SLC25A33: variants seen among roughly 807,000 people sequenced by gnomAD.
The protein encoded by SLC25A33 is solute carrier family 25 member 33.
A neutral mutation model predicts 35.5 loss-of-function variants in SLC25A33; 15 were observed. The observed-to-expected ratio is 0.42, with a 90% CI of 0.28 to 0.65. The LOEUF is 0.65. Ranked by LOEUF, SLC25A33 falls within the 30% of genes least tolerant of loss-of-function variation. The pLI, the probability that SLC25A33 is intolerant of heterozygous loss-of-function variation, is 0.20. For missense variants in SLC25A33, 257 were observed against 398.5 expected, an observed-to-expected ratio of 0.64 and a Z score of 3.02; for synonymous variants, 136 against 148.7, an observed-to-expected ratio of 0.91 and a Z score of 0.62.
At chr1:9,573,249 GA>G in intron 4 of SLC25A33, 96 bp from the exon 5 acceptor site, 2 of 830,726 alleles carry the variant, frequency 2.4e-6, no homozygotes, top group Non-Finnish European at 3.7e-6. Context: ...TTAGGCCATT[GA>G]AATCCCTATT....
At position 9,573,355 on chromosome 1, in the gene SLC25A33, C is replaced by CA; in HGVS notation, c.428dup (p.Asn143LysfsTer11). ...TTTTTTTTTTTTCCAGCTTTTATCA[C>CA]AAATTCCTTAATGAATCCTATATGG... is the stretch of plus-strand genomic sequence containing the variant. On this transcript the variant is annotated frameshift_variant, in exon 5 of 7. Transcript: ENST00000302692. LOFTEE classifies it high-confidence loss of function. 1 of 1,599,868 alleles carries CA rather than the reference C, an allele frequency of 6.3e-7. No homozygotes were observed. Among genetic ancestry groups the CA allele is most frequent in the Non-Finnish European group, 8.5e-7 (1 of 1,171,960 alleles).
At chr1:9,557,141 C>T (rs1643356093) in intron 2 of SLC25A33, among the ~76,000 whole-genome samples, 1 of 152,204 alleles carries the variant, frequency 6.6e-6, no homozygotes, top group Non-Finnish European at 1.5e-5. Context: ...CCATGTTGGT[C>T]AGGCGGGTCT....
At chr1:9,567,961 A>G (rs1423131650) in intron 3 of SLC25A33, among the ~76,000 whole-genome samples, 1 of 152,238 alleles carries the variant, frequency 6.6e-6, no homozygotes. Flanking sequence ...TCAGTTGCTC[A>G]GTCTTCATGT....
intron 1 of SLC25A33, among the ~76,000 whole-genome samples, chr1:9,548,160 G>A (rs896798849): frequency 6.6e-6 from 1 of 152,176 alleles, no homozygotes; most frequent in African/African-American, 2.4e-5. Context: ...ACAGGTTTGA[G>A]TCTGTGCCCA....
intron 2 of SLC25A33, among the ~76,000 whole-genome samples, chr1:9,555,764 G>A (rs1428605979): frequency 1.3e-5 from 2 of 152,092 alleles, no homozygotes; most frequent in Non-Finnish European, 2.9e-5. Context: ...TGCTCACTGA[G>A]ACCTCTGCCT....
At chr1:9,571,818 T>G (rs1435556963) in intron 4 of SLC25A33, among the ~76,000 whole-genome samples, 2 of 152,090 alleles carry the variant, frequency 1.3e-5, no homozygotes, top group Non-Finnish European at 2.9e-5. Context: ...TTTTTGTATT[T>G]TTTGTAGAAA....
chr1:9,562,712 G>C (rs1309145685), intron 2 of SLC25A33, among the ~76,000 whole-genome samples: 1 of 151,536 alleles, frequency 6.6e-6, no homozygotes. Flanking sequence ...AAATTAGCTG[G>C]GCGTAGTGGC....
chr1:9,550,011 A>ATATATG (rs754618497), intron 1 of SLC25A33, among the ~76,000 whole-genome samples: 14 of 48,866 alleles, frequency 2.9e-4, no homozygotes, highest in African/African-American at 9.4e-4. Context: ...ATATATATAT[A>ATATATG]TTTTTTTTTT....
At chr1:9,581,452 C>T (rs746184661) in intron 6 of SLC25A33, among the ~76,000 whole-genome samples, 24 of 151,684 alleles carry the variant, frequency 1.6e-4, no homozygotes, top group Admixed American at 8.5e-4. Flanking sequence ...TTTTTTAACC[C>T]CTTAAAAGTT....
chr1:9,570,504 T>G (rs970607152), intron 4 of SLC25A33, 146 bp downstream of exon 4: 4 of 662,684 alleles, frequency 6.0e-6, no homozygotes, highest in Non-Finnish European at 1.0e-5. Context: ...TTACAACCAA[T>G]AGGAGAGTGA....
In SLC25A33 at chr1:9,582,579, A is replaced by AG; in HGVS notation, c.*79dup. On this transcript the variant is annotated 3_prime_UTR_variant, in exon 7 of 7. Coordinates refer to ENST00000302692, the MANE Select transcript of SLC25A33 (RefSeq NM_032315.3). The surrounding 1 kb of genome is among the most constrained non-coding windows in gnomAD (Gnocchi z 4.0). ...TTTTTTTCCCCATTGATGTTTAGAA[A>AG]GTTTGAGACTGAAACAGGAAAGGCC... 1 of 1,398,244 alleles carries AG rather than the reference A, an allele frequency of 7.2e-7. No individual in the cohort carries two copies. The highest frequency in any genetic ancestry group is 9.7e-7 in the Non-Finnish European group (1 of 1,027,694). 86.6% of individuals were successfully genotyped at this position (1,398,244 alleles called of 1,614,324 possible). A position where few individuals can be genotyped will look rare whatever the true frequency, so the allele number is the denominator to read the frequency against.
intron 6 of SLC25A33, among the ~76,000 whole-genome samples, chr1:9,581,615 G>A (rs2100417288): frequency 6.6e-6 from 1 of 151,834 alleles, no homozygotes; most frequent in Non-Finnish European, 1.5e-5. Flanking sequence ...TGTAATCCCA[G>A]CTACTCAGGA....
At chr1:9,570,809 T>C (rs1414981966) in intron 4 of SLC25A33, among the ~76,000 whole-genome samples, 2 of 148,776 alleles carry the variant, frequency 1.3e-5, no homozygotes, top group Non-Finnish European at 3.0e-5. Context: ...TCCTCCCAAG[T>C]TAAAGTGGTT....
intron 2 of SLC25A33, among the ~76,000 whole-genome samples, chr1:9,563,406 T>G (rs2100393784): frequency 6.6e-6 from 1 of 152,328 alleles, no homozygotes; most frequent in Non-Finnish European, 1.5e-5. Flanking sequence ...TTCTATTTAC[T>G]TTATACATTC....
intron 2 of SLC25A33, 126 bp downstream of exon 2, chr1:9,553,931 T>C: frequency 9.1e-7 from 1 of 1,097,508 alleles, no homozygotes; most frequent in Non-Finnish European, 1.3e-6. Flanking sequence ...ACTTAAGAAT[T>C]AGATTTCTTT....
At chr1:9,557,764 T>C (rs956381957) in intron 2 of SLC25A33, among the ~76,000 whole-genome samples, 2 of 152,186 alleles carry the variant, frequency 1.3e-5, no homozygotes, top group Admixed American at 6.5e-5. Flanking sequence ...GGTGCTCTAT[T>C]GCAAAAACCA....
intron 4 of SLC25A33, among the ~76,000 whole-genome samples, chr1:9,572,854 G>T (rs1488289604): frequency 2.0e-5 from 3 of 147,742 alleles, no homozygotes; most frequent in Non-Finnish European, 4.4e-5. Context: ...GATCCCTTGA[G>T]CCCAGGAATT....
At chr1:9,558,043 A>C (rs1488416418) in intron 2 of SLC25A33, among the ~76,000 whole-genome samples, 1 of 152,240 alleles carries the variant, frequency 6.6e-6, no homozygotes, top group African/African-American at 2.4e-5. Flanking sequence ...TTGATTTTGC[A>C]CAACCTTAGC....
rs749894297 is a variant in SLC25A33, at chr1:9,553,810, GT to G, written c.236+7del. 1.2e-6 allele frequency: 2 copies of G among 1,611,386 alleles called. No homozygotes were observed. Among genetic ancestry groups the G allele is most frequent in the South Asian group, 2.2e-5 (2 of 90,834 alleles). The stretch of plus-strand genomic sequence containing the variant: ...TGGACTCTTTCAGGTTCTGAAGTAA[GT>G]TCAGTCTTGTCTGCTCCTGCCACCT... On this transcript the variant is annotated splice_donor_region_variant and intron_variant, in intron 2 of 6. Transcript: ENST00000302692.
Sources: gnomAD v4.1 joint callset for allele counts (sites outside exome capture counted in the v4.1 genomes callset) on GRCh38, gnomAD v4.1.1 for gene constraint, Gnocchi (gnomAD v3.1) non-coding constraint, MANE v1.5 for transcripts, NCBI Gene and HGNC (gene_info 2026-07-23, HGNC 2026-07-21) for gene names.